RAB6A: variants seen among roughly 807,000 people sequenced by gnomAD.
RAB6A encodes the protein ras-related protein Rab-6A.
RAB6A carries 8 observed loss-of-function variants against 32.3 expected under a neutral mutation model. The ratio of observed to expected loss-of-function variants is 0.25; its 90% CI spans 0.15 to 0.45. RAB6A has a LOEUF of 0.45. Among genes scored for constraint, RAB6A ranks in the 20% least tolerant of loss-of-function variants. RAB6A has a pLI of 1.00. For synonymous variants in RAB6A, 73 were observed against 82.1 expected, an observed-to-expected ratio of 0.89 and a Z score of 0.60; for missense variants, 104 against 249.4, an observed-to-expected ratio of 0.42 and a Z score of 3.93.
intron 4 of RAB6A, among the ~76,000 whole-genome samples, chr11:73,717,980 T>A (rs1336874230): frequency 6.6e-6 from 1 of 152,208 alleles, no homozygotes; most frequent in Admixed American, 6.5e-5. Flanking sequence ...ATTCAATCTT[T>A]AGAAAAAAGA....
chr11:73,726,459 G>A lies in RAB6A; in HGVS notation c.129+4306C>T, dbSNP rs530067935. 1.9e-3 allele frequency among the ~76,000 whole-genome samples: 292 copies of A among 151,464 alleles called. 1 individual carries two copies. The highest frequency in any genetic ancestry group is 6.5e-3 in the African/African-American group (267 of 41,350). On this transcript the variant is annotated intron_variant, in intron 2 of 7. Coordinates refer to ENST00000336083, the MANE Select transcript of RAB6A (RefSeq NM_198896.2). The stretch of plus-strand genomic sequence containing the variant: ...TAGCCAGGCGTGGTGGCAGGTGCCT[G>A]CAGTCCCATCTACATGGGAGGCTGA...
chr11:73,722,322 TATATATATATATATATATATA>T (rs1565364831), intron 2 of RAB6A: 6 of 8,740 alleles, frequency 6.9e-4, no homozygotes, highest in African/African-American at 2.2e-3. Context: ...TATATATATA[TATATATATATATATATATATA>T]TTTTTTTTTT....
intron 2 of RAB6A, among the ~76,000 whole-genome samples, chr11:73,722,161 T>A (rs1946142421): frequency 1.3e-5 from 2 of 149,842 alleles, no homozygotes; most frequent in South Asian, 4.2e-4. Flanking sequence ...ATTAGCAGCA[T>A]GAGAACAAAC....
chr11:73,685,199 T>C lies in RAB6A; in HGVS notation c.496-5479A>G, dbSNP rs562131223. Among the ~76,000 whole-genome samples, 4 of 152,218 alleles carry C rather than the reference T, an allele frequency of 2.6e-5. No homozygotes were observed. The East Asian group carries it at 5.8e-4, about 22-fold the overall frequency. Reference sequence around the variant, plus strand: ...GATGTGTAAGATGGGCTTAAAATAATAGTATACTTGCCTGATTAGATTATT... The same window carrying C: ...GATGTGTAAGATGGGCTTAAAATAACAGTATACTTGCCTGATTAGATTATT... On this transcript the variant is annotated intron_variant, in intron 6 of 7. Coordinates refer to ENST00000336083, the MANE Select transcript of RAB6A (RefSeq NM_198896.2).
intron 6 of RAB6A, among the ~76,000 whole-genome samples, chr11:73,702,571 A>G (rs543341856): frequency 2.7e-4 from 41 of 152,352 alleles, no homozygotes; most frequent in African/African-American, 9.9e-4. Context: ...AACATTCAAT[A>G]AGATAGACCA....
intron 5 of RAB6A, among the ~76,000 whole-genome samples, chr11:73,711,847 C>G (rs886181631): frequency 3.3e-5 from 5 of 152,190 alleles, no homozygotes; most frequent in African/African-American, 1.2e-4. Flanking sequence ...TTTCTCAGTG[C>G]AGTTTCAATC....
chr11:73,730,961 T>C (rs1946292634), intron 1 of RAB6A, 138 bp from the exon 2 acceptor site: 2 of 621,876 alleles, frequency 3.2e-6, no homozygotes, highest in Admixed American at 3.5e-5. Flanking sequence ...AAAACCCATA[T>C]AGCCCCAAGA....
At chr11:73,691,742 C>A (rs1244960693) in intron 6 of RAB6A, among the ~76,000 whole-genome samples, 1 of 151,766 alleles carries the variant, frequency 6.6e-6, no homozygotes, top group African/African-American at 2.4e-5. Flanking sequence ...AGGCGGATGA[C>A]CTGAGGTCAG....
chr11:73,735,988 CT>C (rs1325790837), intron 1 of RAB6A, among the ~76,000 whole-genome samples: 178 of 140,370 alleles, frequency 1.3e-3, no homozygotes, highest in East Asian at 6.4e-3. Context: ...AATTCACCTA[CT>C]TTTTTTTTTT....
intron 1 of RAB6A, among the ~76,000 whole-genome samples, chr11:73,743,304 CAAAAAAAA>C (rs56400918): frequency 1.9e-5 from 2 of 103,354 alleles, no homozygotes; most frequent in Admixed American, 1.1e-4. Flanking sequence ...AACTCTGTCT[CAAAAAAAA>C]AAAAAAAAAG....
intron 6 of RAB6A, among the ~76,000 whole-genome samples, chr11:73,691,028 G>C (rs546388602): frequency 6.6e-6 from 1 of 152,074 alleles, no homozygotes; most frequent in African/African-American, 2.4e-5. Flanking sequence ...CGGGGGTGGG[G>C]GGGCGATGCT....
At chr11:73,746,312 T>C (rs1415116168) in intron 1 of RAB6A, among the ~76,000 whole-genome samples, 3 of 152,220 alleles carry the variant, frequency 2.0e-5, no homozygotes, top group African/African-American at 7.2e-5. Flanking sequence ...TATGCTTCTA[T>C]GTATACTACA....
chr11:73,753,116 G>T (rs550467532), intron 1 of RAB6A, among the ~76,000 whole-genome samples: 1 of 152,172 alleles, frequency 6.6e-6, no homozygotes, highest in East Asian at 1.9e-4. Flanking sequence ...CGAGCGCAAT[G>T]GCGAATGCCT....
intron 1 of RAB6A, among the ~76,000 whole-genome samples, chr11:73,755,381 C>T (rs1946730602): frequency 6.6e-6 from 1 of 151,956 alleles, no homozygotes; most frequent in Admixed American, 6.6e-5. Flanking sequence ...GCAACCTCCA[C>T]CTCCCGAGTT....
Position 73,698,566 on chromosome 11 carries a change from TC to T in RAB6A, c.495+8853del, listed in dbSNP as rs1323654257. 7.2e-5 allele frequency among the ~76,000 whole-genome samples: 11 copies of T among 152,174 alleles called. No individual in the cohort carries two copies. In the East Asian group the frequency reaches 2.1e-3, roughly 29 times the overall value. On this transcript the variant is annotated intron_variant, in intron 6 of 7. Coordinates refer to ENST00000336083, the MANE Select transcript of RAB6A (RefSeq NM_198896.2). The stretch of plus-strand genomic sequence containing the variant: ...TATATAATTTCTACGCTTCAGATTT[TC>T]TCTCTAAAATCAGACCAACAATAGC...
At chr11:73,689,182 G>A (rs1945506297) in intron 6 of RAB6A, among the ~76,000 whole-genome samples, 1 of 152,048 alleles carries the variant, frequency 6.6e-6, no homozygotes, top group South Asian at 2.1e-4. Context: ...TTACATCAGC[G>A]ATCCCCAACC....
At chr11:73,739,467 C>T (rs563736401) in intron 1 of RAB6A, among the ~76,000 whole-genome samples, 24 of 149,194 alleles carry the variant, frequency 1.6e-4, no homozygotes, top group Non-Finnish European at 3.1e-4. Context: ...CCAGTGCACT[C>T]AGCCTGATTT....
chr11:73,675,742 A>C lies in RAB6A; in HGVS notation c.*2156T>G, dbSNP rs1945262056. 6.2e-6 allele frequency: 1 copy of C among 162,164 alleles called. No homozygotes were observed. Among genetic ancestry groups the C allele is most frequent in the South Asian group, 2.1e-4 (1 of 4,838 alleles). 10.0% of individuals were successfully genotyped at this position (162,164 alleles called of 1,614,324 possible). ...CACTTCAATGCTTTGAAGAACTCCA[A>C]GCCAAATAAAAAGACCAATCAATAT... On this transcript the variant is annotated 3_prime_UTR_variant, in exon 8 of 8. Transcript: ENST00000336083.
At chr11:73,751,354 T>TC (rs1013004278) in intron 1 of RAB6A, among the ~76,000 whole-genome samples, 2 of 152,062 alleles carry the variant, frequency 1.3e-5, no homozygotes, top group Non-Finnish European at 2.9e-5. Context: ...ATCTGAATCA[T>TC]CCAAGTTAGA....
Sources: gnomAD v4.1 joint callset for allele counts (sites outside exome capture counted in the v4.1 genomes callset) on GRCh38, gnomAD v4.1.1 for gene constraint, MANE v1.5 for transcripts, NCBI Gene and HGNC (gene_info 2026-07-23, HGNC 2026-07-21) for gene names.